CFAP61: variants seen among roughly 807,000 people sequenced by gnomAD.
CFAP61 encodes cilia and flagella associated protein 61.
CFAP61 carries 107 observed loss-of-function variants against 135.6 expected under a neutral mutation model. The observed-to-expected ratio is 0.79, with a 90% CI of 0.67 to 0.93. The LOEUF (loss-of-function observed/expected upper bound fraction) is 0.93, where lower values mean the gene tolerates loss of function less well. Ranked by LOEUF, CFAP61 falls within the 40% of genes least tolerant of loss-of-function variation. The pLI is 0.00. For synonymous variants in CFAP61, 575 were observed against 578.5 expected, an observed-to-expected ratio of 0.99 and a Z score of 0.09; for missense variants, 1,507 against 1,556.2, an observed-to-expected ratio of 0.97 and a Z score of 0.53.
At chr20:20,326,604 T>C (rs1569300279) in intron 25 of CFAP61, among the ~76,000 whole-genome samples, 1 of 152,212 alleles carries the variant, frequency 6.6e-6, no homozygotes, top group Non-Finnish European at 1.5e-5. Flanking sequence ...ATAATTCATG[T>C]TTTTTCCTAT....
chr20:20,177,755 C>T (rs151070645), intron 13 of CFAP61, among the ~76,000 whole-genome samples: 239 of 150,714 alleles, frequency 1.6e-3, no homozygotes, highest in Middle Eastern at 3.4e-3. Context: ...TAAGGGCGAA[C>T]GTGAAGAGTA....
At chr20:20,100,641 G>A (rs546397183) in intron 8 of CFAP61, among the ~76,000 whole-genome samples, 11 of 152,184 alleles carry the variant, frequency 7.2e-5, no homozygotes, top group Non-Finnish European at 1.5e-4. Flanking sequence ...TTTTTCCCCT[G>A]TGGCTGTTGT....
intron 25 of CFAP61, among the ~76,000 whole-genome samples, chr20:20,336,865 G>A (rs1429373246): frequency 6.6e-6 from 1 of 152,158 alleles, no homozygotes; most frequent in Non-Finnish European, 1.5e-5. Context: ...TGCCATGCCA[G>A]GCCATCATAA....
intron 17 of CFAP61, among the ~76,000 whole-genome samples, chr20:20,204,771 C>T (rs891082971): frequency 3.9e-5 from 6 of 152,156 alleles, no homozygotes; most frequent in Admixed American, 3.9e-4. Flanking sequence ...TTTTCAGCAT[C>T]ATATATGCTC....
intron 26 of CFAP61, among the ~76,000 whole-genome samples, chr20:20,356,513 A>C (rs2059179085): frequency 8.0e-6 from 1 of 125,480 alleles, no homozygotes; most frequent in African/African-American, 3.1e-5. Flanking sequence ...GGTCACACTG[A>C]GGGGAGGTGG....
chr20:20,326,287 C>T (rs2057744900), intron 25 of CFAP61, among the ~76,000 whole-genome samples: 1 of 152,028 alleles, frequency 6.6e-6, no homozygotes, highest in Non-Finnish European at 1.5e-5. Flanking sequence ...TTTTTATTCA[C>T]TTTTATTATT....
chr20:20,336,835 C>T (rs1186631443), intron 25 of CFAP61, among the ~76,000 whole-genome samples: 10 of 152,146 alleles, frequency 6.6e-5, no homozygotes, highest in African/African-American at 1.9e-4. Flanking sequence ...ACCTCCCCAG[C>T]GTGCACCCCT....
intron 13 of CFAP61, chr20:20,171,770 A>C: frequency 1.4e-6 from 1 of 703,528 alleles, no homozygotes; most frequent in Admixed American, 2.1e-5. Flanking sequence ...TGTTTTATTT[A>C]ATGAATGTAG....
intron 6 of CFAP61, among the ~76,000 whole-genome samples, chr20:20,084,081 G>T (rs776552665): frequency 1.3e-5 from 2 of 152,118 alleles, no homozygotes; most frequent in Non-Finnish European, 2.9e-5. Context: ...AGTTGACGCC[G>T]ATCTTAGGTT....
At chr20:20,141,509 G>A (rs1280685490) in intron 8 of CFAP61, among the ~76,000 whole-genome samples, 1 of 152,106 alleles carries the variant, frequency 6.6e-6, no homozygotes, top group Non-Finnish European at 1.5e-5. Flanking sequence ...CTCTTCTCAG[G>A]ACATTTTCTC....
At chr20:20,275,824 T>G (rs1569228299) in intron 21 of CFAP61, among the ~76,000 whole-genome samples, 1 of 152,250 alleles carries the variant, frequency 6.6e-6, no homozygotes, top group Non-Finnish European at 1.5e-5. Flanking sequence ...CAGCCAAGAT[T>G]CATGTTTCGT....
At chr20:20,160,786 G>A (rs2053332531) in intron 10 of CFAP61, among the ~76,000 whole-genome samples, 1 of 152,214 alleles carries the variant, frequency 6.6e-6, no homozygotes, top group Admixed American at 6.5e-5. Flanking sequence ...GACTGCAAGT[G>A]CCTGGTCTTT....
intron 16 of CFAP61, among the ~76,000 whole-genome samples, chr20:20,199,104 G>A (rs552663135): frequency 1.3e-4 from 20 of 152,248 alleles, no homozygotes; most frequent in African/African-American, 4.6e-4. Flanking sequence ...CCTAAGACAT[G>A]ATTTATCATA....
chr20:20,315,437 G>A (rs2057074507), intron 25 of CFAP61, among the ~76,000 whole-genome samples: 1 of 152,070 alleles, frequency 6.6e-6, no homozygotes, highest in East Asian at 1.9e-4. Flanking sequence ...CTGGATATTA[G>A]CCCTTTGTCA....
intron 25 of CFAP61, among the ~76,000 whole-genome samples, chr20:20,335,771 A>G (rs1327736468): frequency 6.6e-6 from 1 of 152,222 alleles, no homozygotes; most frequent in Non-Finnish European, 1.5e-5. Context: ...TGTAATTTCA[A>G]TCATATCTAA....
At chr20:20,090,148 A>G (rs765259864) in intron 6 of CFAP61, among the ~76,000 whole-genome samples, 4 of 152,104 alleles carry the variant, frequency 2.6e-5, no homozygotes, top group Admixed American at 1.3e-4. Flanking sequence ...GCCCATGACA[A>G]GTGCTTCCCT....
intron 25 of CFAP61, among the ~76,000 whole-genome samples, chr20:20,307,576 T>G (rs145410342): frequency 2.0e-4 from 31 of 152,296 alleles, no homozygotes; most frequent in Admixed American, 7.8e-4. Flanking sequence ...AATACAAATT[T>G]AAGAAAATGC....
chr20:20,134,889 A>T (rs6035556), intron 8 of CFAP61, among the ~76,000 whole-genome samples: 2 of 152,032 alleles, frequency 1.3e-5, no homozygotes, highest in Non-Finnish European at 2.9e-5. Context: ...TCAGTCAGCC[A>T]CAGGTGCCTA....
At chr20:20,262,620 C>A (rs541435611) in intron 20 of CFAP61, among the ~76,000 whole-genome samples, 1 of 152,318 alleles carries the variant, frequency 6.6e-6, no homozygotes, top group East Asian at 1.9e-4. Context: ...AGGCCCCAGA[C>A]ATGGTGGAAC....
Sources: allele counts gnomAD v4.1 joint callset (sites outside exome capture counted in the v4.1 genomes callset), GRCh38; gene constraint gnomAD v4.1.1; transcripts MANE v1.5; gene names NCBI Gene and HGNC (gene_info 2026-07-23, HGNC 2026-07-21).